DKK2: variants seen among roughly 807,000 people sequenced by gnomAD.
DKK2 encodes the protein dickkopf-related protein 2.
A neutral mutation model predicts 28.1 loss-of-function variants in DKK2; 11 were observed. The observed-to-expected ratio is 0.39, with a 90% CI of 0.25 to 0.65. DKK2 has a LOEUF of 0.65. DKK2 is among the 30% of genes least tolerant of loss of function. The probability of loss-of-function intolerance (pLI) is 0.47; values close to 1 mark genes in which losing one functional copy is unlikely to be tolerated. For missense variants in DKK2, 326 were observed against 335.5 expected (o/e 0.97, Z 0.22); for synonymous variants, 135 against 126.5 (o/e 1.07, Z -0.45).
chr4:106,954,492 C>T (rs771992470), intron 1 of DKK2, among the ~76,000 whole-genome samples: 4 of 152,046 alleles, frequency 2.6e-5, no homozygotes, highest in Non-Finnish European at 5.9e-5. Flanking sequence ...TAAATGACAT[C>T]CTAAAGCAGA....
In DKK2 at chr4:106,950,704, C is replaced by A. The variant is rs961095743; in HGVS notation, c.223-24755G>T. On this transcript the variant is annotated intron_variant, in intron 1 of 3. Coordinates refer to ENST00000285311, the MANE Select transcript of DKK2 (RefSeq NM_014421.3). The stretch of plus-strand genomic sequence containing the variant: ...GTCTTTTAGTCCCCAAAGATTCTTA[C>A]TCCAATTATTATTTCTTGTAAAAGT... 5.9e-5 allele frequency among the ~76,000 whole-genome samples: 9 copies of A among 152,260 alleles called. 1 individual carries two copies. The highest frequency in any genetic ancestry group is 5.9e-4 in the Admixed American group (9 of 15,282).
chr4:106,932,618 A>C (rs572055108), intron 1 of DKK2, among the ~76,000 whole-genome samples: 8 of 152,316 alleles, frequency 5.3e-5, no homozygotes, highest in African/African-American at 1.9e-4. Context: ...TAAAATGGAT[A>C]GGACAGAACA....
In DKK2 at chr4:106,924,154, A is replaced by G; in HGVS notation, c.580T>C (p.Cys194Arg). The G allele has an allele frequency of 6.2e-7, 1 of 1,614,032 alleles. No individual in the cohort carries two copies. The highest frequency in any genetic ancestry group is 8.5e-7 in the Non-Finnish European group (1 of 1,179,924). ...LRSSDCIEGF[C>R]CARHFWTKIC... The stretch of plus-strand genomic sequence containing the variant: ...TTGGTCCAGAAATGACGAGCACAGC[A>G]AAACCCTTCAATGCAGTCTGATGAT... The change falls in exon 4 of 4, where the codon TGC (cysteine) becomes CGC (arginine). Residue 194 changes from cysteine to arginine, a missense_variant. Transcript: ENST00000285311.
chr4:106,938,222 C>T (rs1319629512), intron 1 of DKK2, among the ~76,000 whole-genome samples: 1 of 149,052 alleles, frequency 6.7e-6, no homozygotes, highest in Non-Finnish European at 1.5e-5. Flanking sequence ...AGACCGCTAG[C>T]AAGACTAATA....
intron 1 of DKK2, among the ~76,000 whole-genome samples, chr4:106,941,408 A>G (rs918870859): frequency 6.6e-6 from 1 of 152,170 alleles, no homozygotes; most frequent in Non-Finnish European, 1.5e-5. Flanking sequence ...AAGTTATCTC[A>G]TATAATCAGT....
chr4:106,971,882 C>T (rs1405195402), intron 1 of DKK2, among the ~76,000 whole-genome samples: 1 of 151,952 alleles, frequency 6.6e-6, no homozygotes, highest in Non-Finnish European at 1.5e-5. Context: ...ATTTGGTCAC[C>T]CACATTTTGC....
intron 1 of DKK2, among the ~76,000 whole-genome samples, chr4:106,970,233 T>C (rs1722851348): frequency 6.6e-6 from 1 of 152,102 alleles, no homozygotes; most frequent in Admixed American, 6.6e-5. Flanking sequence ...CTGAGAACAT[T>C]TTCTGACACT....
intron 1 of DKK2, among the ~76,000 whole-genome samples, chr4:106,952,738 A>G (rs936395945): frequency 1.1e-4 from 16 of 152,158 alleles, no homozygotes; most frequent in African/African-American, 3.9e-4. Context: ...AGAAATAAAA[A>G]ACTAGAAGTC....
intron 1 of DKK2, among the ~76,000 whole-genome samples, chr4:107,030,000 AT>A (rs1396643674): frequency 2.0e-5 from 3 of 152,118 alleles, no homozygotes; most frequent in African/African-American, 7.2e-5. Context: ...CTAAACTATT[AT>A]TCAGGTTCCC....
At chr4:106,954,306 C>T (rs1722553318) in intron 1 of DKK2, among the ~76,000 whole-genome samples, 1 of 152,006 alleles carries the variant, frequency 6.6e-6, no homozygotes, top group Non-Finnish European at 1.5e-5. Context: ...TGTTTTGTTT[C>T]TTGCTTCAGG....
chr4:106,952,121 G>A (rs1434167963), intron 1 of DKK2, among the ~76,000 whole-genome samples: 1 of 152,076 alleles, frequency 6.6e-6, no homozygotes, highest in Non-Finnish European at 1.5e-5. Context: ...CCAGTGAGTG[G>A]TGAAATCATT....
intron 1 of DKK2, among the ~76,000 whole-genome samples, chr4:106,969,654 G>T (rs1386401971): frequency 6.6e-6 from 1 of 151,372 alleles, no homozygotes; most frequent in Non-Finnish European, 1.5e-5. Context: ...TATTTATTTT[G>T]AGTGAGTTCT....
chr4:106,942,401 CTA>C (rs1200529269), intron 1 of DKK2, among the ~76,000 whole-genome samples: 1 of 152,148 alleles, frequency 6.6e-6, no homozygotes, highest in Non-Finnish European at 1.5e-5. Context: ...ACTGGTTCTT[CTA>C]GTCTATTTAA....
intron 1 of DKK2, among the ~76,000 whole-genome samples, chr4:106,969,750 A>G (rs1329564625): frequency 6.6e-6 from 1 of 152,092 alleles, no homozygotes; most frequent in Non-Finnish European, 1.5e-5. Context: ...TGGCAGCAAA[A>G]GGAAAAGGCT....
chr4:107,031,284 G>C (rs917643572), intron 1 of DKK2, among the ~76,000 whole-genome samples: 3 of 151,842 alleles, frequency 2.0e-5, no homozygotes, highest in African/African-American at 7.2e-5. Flanking sequence ...GAGAAAGTTG[G>C]GCTGAGGTTA....
chr4:106,968,413 C>T lies in DKK2; in HGVS notation c.223-42464G>A, dbSNP rs562245424. The stretch of plus-strand genomic sequence containing the variant: ...CTTGCTTAAGGTGATGTAACCAGTT[C>T]TCACACAAGCCTTCTCTCCAGAATA... On this transcript the variant is annotated intron_variant, in intron 1 of 3. Transcript: ENST00000285311. 4.6e-5 allele frequency among the ~76,000 whole-genome samples: 7 copies of T among 152,216 alleles called. No homozygotes were observed. The East Asian group carries it at 1.4e-3, about 29-fold the overall frequency.
intron 1 of DKK2, among the ~76,000 whole-genome samples, chr4:107,029,107 A>C (rs1723837741): frequency 6.6e-6 from 1 of 152,166 alleles, no homozygotes; most frequent in Non-Finnish European, 1.5e-5. Flanking sequence ...CATACTTTAG[A>C]CTTCTCAGAA....
At chr4:106,996,529 T>C (rs1169634973) in intron 1 of DKK2, among the ~76,000 whole-genome samples, 1 of 152,196 alleles carries the variant, frequency 6.6e-6, no homozygotes, top group African/African-American at 2.4e-5. Flanking sequence ...ACAACTACCT[T>C]CTTTCCCCAA....
At chr4:106,999,803 A>C (rs1723334189) in intron 1 of DKK2, among the ~76,000 whole-genome samples, 1 of 152,194 alleles carries the variant, frequency 6.6e-6, no homozygotes, top group Non-Finnish European at 1.5e-5. Context: ...TTCTCGTATT[A>C]AATTTTGATA....
Sources: gnomAD v4.1 joint callset for allele counts (sites outside exome capture counted in the v4.1 genomes callset) on GRCh38, gnomAD v4.1.1 for gene constraint, MANE v1.5 for transcripts, NCBI Gene and HGNC (gene_info 2026-07-23, HGNC 2026-07-21) for gene names.